Variants in TLE4 observed in about 807,000 individuals in gnomAD.
The protein encoded by TLE4 is TLE family member 4, transcriptional corepressor, also known as transducin-like enhancer protein 4.
Under a neutral mutation model 92.8 loss-of-function variants are expected in TLE4, and 8 were observed. That is an observed-to-expected ratio of 0.09 (90% CI 0.05 to 0.16). The LOEUF (loss-of-function observed/expected upper bound fraction) is 0.16. Ranked by LOEUF, TLE4 falls within the 10% of genes least tolerant of loss-of-function variation. The probability of loss-of-function intolerance (pLI) is 1.00; values close to 1 mark genes in which losing one functional copy is unlikely to be tolerated. For synonymous variants in TLE4, 371 were observed against 374.1 expected (o/e 0.99, Z 0.10); for missense variants, 675 against 997.6 (o/e 0.68, Z 4.36).
rs2076398424 is a variant in TLE4, at chr9:79,726,619, A to G, written c.*1475A>G. On this transcript the variant is annotated 3_prime_UTR_variant, in exon 20 of 20. Transcript: ENST00000376552. ...TCGTAAAACTCTACAGTGTAGAAAG[A>G]TTTTGATACTAAACTGTGCGTTGTA... The G allele has an allele frequency of 6.6e-6, 1 of 152,660 alleles. No individual in the cohort carries two copies. The highest frequency in any genetic ancestry group is 2.4e-5 in the African/African-American group (1 of 41,454). The allele number at this position is 152,660 out of a possible 1,614,324, so 9.5% of individuals were successfully genotyped here. A position where few individuals can be genotyped will look rare whatever the true frequency, so the allele number is the denominator to read the frequency against.
intron 4 of TLE4, chr9:79,580,261 A>C (rs1404239447): frequency 6.6e-6 from 1 of 152,176 alleles, no homozygotes; most frequent in Non-Finnish European, 1.5e-5. Context: ...GGGCAGATAA[A>C]AGGCTCGGCA....
intron 5 of TLE4, among the ~76,000 whole-genome samples, chr9:79,625,223 T>C (rs1310259338): frequency 6.6e-6 from 1 of 151,310 alleles, no homozygotes; most frequent in Non-Finnish European, 1.5e-5. Context: ...GTTTCGCCGT[T>C]TTAGCCGGGA....
At chr9:79,648,538 G>A (rs2058449759) in intron 6 of TLE4, among the ~76,000 whole-genome samples, 1 of 152,130 alleles carries the variant, frequency 6.6e-6, no homozygotes, top group African/African-American at 2.4e-5. Flanking sequence ...GTTCTAAAAG[G>A]TGCAGAAGGA....
chr9:79,697,824 G>T lies in TLE4; in HGVS notation c.610-6959G>T, dbSNP rs114227446. Among the ~76,000 whole-genome samples, 1,390 of 152,032 alleles carry T rather than the reference G, an allele frequency of 9.1e-3. 27 individuals are homozygous for T. The highest frequency in any genetic ancestry group is 0.031 in the African/African-American group (1,303 of 41,494). On this transcript the variant is annotated intron_variant, in intron 8 of 19. Transcript: ENST00000376552. ...TGCTGTATTTTCTACTACACATGAA[G>T]AAAAAAATATGTAATACTTTTGTAT...
intron 17 of TLE4, among the ~76,000 whole-genome samples, 170 bp downstream of exon 17, chr9:79,722,058 A>G (rs6559494): frequency 0.91 from 137,786 of 152,218 alleles, 62,351 homozygotes; most frequent in Non-Finnish European, 0.91. Flanking sequence ...CCAGCTACTT[A>G]GGAGGCTGTG....
chr9:79,711,068 C>T (rs773433125), intron 14 of TLE4, among the ~76,000 whole-genome samples: 6 of 152,180 alleles, frequency 3.9e-5, no homozygotes, highest in Non-Finnish European at 7.3e-5. Flanking sequence ...TGTTGCCTAA[C>T]CTAGACCCTT....
At chr9:79,666,532 C>G (rs1354468680) in intron 8 of TLE4, among the ~76,000 whole-genome samples, 2 of 152,206 alleles carry the variant, frequency 1.3e-5, no homozygotes, top group Non-Finnish European at 1.5e-5. Context: ...AGCCATCACG[C>G]CCCACCCCTT....
intron 14 of TLE4, chr9:79,717,997 G>A (rs1287532007): frequency 4.4e-6 from 2 of 456,500 alleles, no homozygotes; most frequent in African/African-American, 2.0e-5. Flanking sequence ...TGCATTTTAG[G>A]ACCAAATGCT....
chr9:79,660,976 C>G (rs543158968), intron 8 of TLE4, among the ~76,000 whole-genome samples: 7 of 152,272 alleles, frequency 4.6e-5, no homozygotes, highest in Non-Finnish European at 8.8e-5. Context: ...TTATTCCTTT[C>G]CCTCCATAAA....
Position 79,687,041 on chromosome 9 carries a change from C to G in TLE4, c.610-17742C>G, listed in dbSNP as rs144773822. Among the ~76,000 whole-genome samples the G allele has an allele frequency of 5.3e-5, 8 of 152,260 alleles. No individual in the cohort carries two copies. The East Asian group carries it at 1.5e-3, about 29-fold the overall frequency. On this transcript the variant is annotated intron_variant, in intron 8 of 19. Coordinates refer to ENST00000376552, the MANE Select transcript of TLE4 (RefSeq NM_007005.6). ...GCTCTGGGGATACTGTGGTGAAAAC[C>G]CTGAATAAATTTCTGCCCACATGCA...
rs553813002 is a variant in TLE4 at position 79,636,762 on chromosome 9, C to G, written c.390+9314C>G. 5.3e-5 allele frequency among the ~76,000 whole-genome samples: 8 copies of G among 152,234 alleles called. No homozygotes were observed. In the South Asian group the frequency reaches 1.7e-3, roughly 32 times the overall value. On this transcript the variant is annotated intron_variant, in intron 6 of 19. Coordinates refer to ENST00000376552, the MANE Select transcript of TLE4 (RefSeq NM_007005.6). ...TTATGCATCACTTTCCCTTGACTAG[C>G]TAGTGAAATCTCATTCACTTTTGTA...
At position 79,683,664 on chromosome 9, in the gene TLE4, C is replaced by A. The variant is rs1046214101; in HGVS notation, c.610-21119C>A. On this transcript the variant is annotated intron_variant, in intron 8 of 19. Coordinates refer to ENST00000376552, the MANE Select transcript of TLE4 (RefSeq NM_007005.6). ...CATGAACTGATAAGGTGTGGTTAAT[C>A]TCACTGATCTTGAAATATTCTCCGT... 3.9e-4 allele frequency among the ~76,000 whole-genome samples: 59 copies of A among 152,288 alleles called. 1 individual carries two copies. Among genetic ancestry groups the A allele is most frequent in the Middle Eastern group, 3.4e-3 (1 of 294 alleles).
At chr9:79,592,177 CTCTTCCTCTTCTTCT>C (rs1249552449) in intron 4 of TLE4, among the ~76,000 whole-genome samples, 1 of 115,918 alleles carries the variant, frequency 8.6e-6, no homozygotes, top group African/African-American at 3.4e-5. Flanking sequence ...CTTCCTCTTC[CTCTTCCTCTTCTTCT>C]TCTTCTTCTT....
intron 6 of TLE4, among the ~76,000 whole-genome samples, chr9:79,646,255 A>G (rs2058089234): frequency 6.6e-6 from 1 of 152,162 alleles, no homozygotes; most frequent in Admixed American, 6.5e-5. Flanking sequence ...TTTGCAGGTT[A>G]ATTGCTCTGT....
At chr9:79,610,693 A>C (rs980109833) in intron 4 of TLE4, among the ~76,000 whole-genome samples, 6 of 152,062 alleles carry the variant, frequency 3.9e-5, no homozygotes, top group African/African-American at 1.2e-4. Flanking sequence ...GTGTTAACCT[A>C]TGTGATTGAA....
At chr9:79,628,684 A>C (rs1030873184) in intron 6 of TLE4, among the ~76,000 whole-genome samples, 1 of 152,182 alleles carries the variant, frequency 6.6e-6, no homozygotes, top group Non-Finnish European at 1.5e-5. Context: ...CTTGGAAACA[A>C]GAGGCTGAAT....
At chr9:79,710,217 G>A (rs1326616491) in intron 14 of TLE4, among the ~76,000 whole-genome samples, 1 of 152,192 alleles carries the variant, frequency 6.6e-6, no homozygotes, top group Non-Finnish European at 1.5e-5. Flanking sequence ...CACACCAGTT[G>A]TTCTAGCCTT....
chr9:79,629,336 C>A lies in TLE4; in HGVS notation c.390+1888C>A, dbSNP rs79045059. On this transcript the variant is annotated intron_variant, in intron 6 of 19. Coordinates refer to ENST00000376552, the MANE Select transcript of TLE4 (RefSeq NM_007005.6). ...GAAGATATAAAATCAGAACAAGTTC[C>A]CTTCACTTCACATCAAGAATATTTT... Among the ~76,000 whole-genome samples the A allele has an allele frequency of 7.7e-3, 1,176 of 151,972 alleles. 15 individuals carry two copies. Among genetic ancestry groups the A allele is most frequent in the African/African-American group, 0.027 (1,125 of 41,440 alleles).
intron 8 of TLE4, among the ~76,000 whole-genome samples, chr9:79,681,636 T>C (rs917924900): frequency 6.6e-6 from 1 of 152,158 alleles, no homozygotes; most frequent in Non-Finnish European, 1.5e-5. Context: ...ACACTGACTT[T>C]TCTGGCTACA....
Sources: gnomAD v4.1 joint callset for allele counts (sites outside exome capture counted in the v4.1 genomes callset) on GRCh38, gnomAD v4.1.1 for gene constraint, MANE v1.5 for transcripts, NCBI Gene and HGNC (gene_info 2026-07-23, HGNC 2026-07-21) for gene names.